Variants in GAS6 observed in about 807,000 individuals in gnomAD.
GAS6 encodes the protein growth arrest specific 6.
A neutral mutation model predicts 75.8 loss-of-function variants in GAS6; 41 were observed. The observed-to-expected ratio is 0.54, with a 90% CI of 0.42 to 0.70. GAS6 has a LOEUF of 0.70. GAS6 is among the 30% of genes least tolerant of loss of function. The pLI is 0.00. For synonymous variants in GAS6, 432 were observed against 412.6 expected (o/e 1.05, Z -0.57); for missense variants, 854 against 940.2 (o/e 0.91, Z 1.20).
intron 2 of GAS6, among the ~76,000 whole-genome samples, chr13:113,858,884 A>C (rs1427839614): frequency 2.2e-5 from 3 of 133,420 alleles, no homozygotes; most frequent in Non-Finnish European, 4.7e-5. Flanking sequence ...TGACTATGTA[A>C]GTCTATGTGA....
At position 113,847,978 on chromosome 13, in the gene GAS6, C is replaced by A. The variant is rs777351081; in HGVS notation, c.280+48G>T. The A allele has an allele frequency of 1.0e-5, 16 of 1,566,302 alleles. No homozygotes were observed. In the Admixed American group the frequency reaches 2.5e-4, roughly 25 times the overall value. ...TCCTCCAACATGAAACACGCACCCCCAACTATGCCTCTACGACAACCAGAG... is the reference window on the plus strand; with the variant it reads ...TCCTCCAACATGAAACACGCACCCCAAACTATGCCTCTACGACAACCAGAG... On this transcript the variant is annotated intron_variant, in intron 3 of 14. Transcript: ENST00000327773.
At chr13:113,852,893 C>G (rs2051886892) in intron 2 of GAS6, among the ~76,000 whole-genome samples, 2 of 152,340 alleles carry the variant, frequency 1.3e-5, no homozygotes, top group South Asian at 4.1e-4. Context: ...GCTTCCTCAC[C>G]CAGAGCTGTG....
intron 12 of GAS6, 48 bp downstream of exon 12, chr13:113,826,944 CCTGT>C (rs1486562977): frequency 1.4e-6 from 2 of 1,404,804 alleles, no homozygotes; most frequent in African/African-American, 3.0e-5. Flanking sequence ...TCAGCGTATG[CCTGT>C]CTGAAGGTGC....
At chr13:113,834,841 T>C in intron 7 of GAS6, 169 bp from the exon 8 acceptor site, 1 of 618,846 alleles carries the variant, frequency 1.6e-6, no homozygotes. Context: ...GAAAGCTAGG[T>C]TGCACCCTCG....
intron 11 of GAS6, among the ~76,000 whole-genome samples, chr13:113,828,212 C>T (rs973377164): frequency 7.9e-5 from 12 of 152,098 alleles, no homozygotes; most frequent in Admixed American, 3.9e-4. Flanking sequence ...TGCAGTGAGC[C>T]GAGATCGCGC....
chr13:113,821,070 C>T (rs552405031), intron 14 of GAS6, 52 bp from the exon 15 acceptor site: 49 of 1,583,280 alleles, frequency 3.1e-5, no homozygotes, highest in Non-Finnish European at 2.0e-5. Flanking sequence ...TGGCCGGCCC[C>T]GCCTGGCCCC....
chr13:113,851,581 GTGACTGGA>G (rs1566372422), intron 2 of GAS6, among the ~76,000 whole-genome samples: 1 of 151,890 alleles, frequency 6.6e-6, no homozygotes, highest in East Asian at 1.9e-4. Context: ...GGGTGAATGG[GTGACTGGA>G]TGGATGGAGA....
At chr13:113,827,941 A>G (rs2051572092) in intron 11 of GAS6, among the ~76,000 whole-genome samples, 1 of 152,230 alleles carries the variant, frequency 6.6e-6, no homozygotes, top group South Asian at 2.1e-4. Context: ...AAAACCCAAA[A>G]TGTTCTTGGA....
chr13:113,821,414 CG>C (rs1290983715), intron 14 of GAS6: 49 of 240,892 alleles, frequency 2.0e-4, no homozygotes, highest in Non-Finnish European at 2.2e-4. Flanking sequence ...TGCCGTTTGC[CG>C]CAAGTGAAAA....
At chr13:113,840,668 TG>T (rs2051765610) in intron 4 of GAS6, 1 of 152,248 alleles carries the variant, frequency 6.6e-6, no homozygotes. Context: ...CCCGGGAAGT[TG>T]GCAGAAAGAA....
At chr13:113,832,871 C>T in intron 8 of GAS6, 119 bp from the exon 9 acceptor site, 3 of 1,562,182 alleles carry the variant, frequency 1.9e-6, no homozygotes, top group Non-Finnish European at 2.6e-6. Flanking sequence ...GAGTGGCCAC[C>T]CCGCCTCTAG....
chr13:113,859,522 A>G (rs1276187516), intron 2 of GAS6, among the ~76,000 whole-genome samples: 1 of 148,194 alleles, frequency 6.7e-6, no homozygotes, highest in Non-Finnish European at 1.5e-5. Flanking sequence ...GTGCCTGTTT[A>G]TGTGTGTGCA....
intron 8 of GAS6, 46 bp downstream of exon 8, chr13:113,834,505 C>G: frequency 6.9e-7 from 1 of 1,451,424 alleles, no homozygotes; most frequent in Non-Finnish European, 9.1e-7. Context: ...CCGGCGAGGG[C>G]CCCCGGAACC....
At position 113,860,218 on chromosome 13, in the gene GAS6, G is replaced by A. The variant is rs1397310710; in HGVS notation, c.255+3357C>T. Among the ~76,000 whole-genome samples, 7 of 152,336 alleles carry A rather than the reference G, an allele frequency of 4.6e-5. No homozygotes were observed. The East Asian group carries it at 1.2e-3, about 25-fold the overall frequency. ...CCTCGGAGCACAGGCCTGGCCACAT[G>A]TCGTGCAGGTGCGGGTACAGGTGCA... On this transcript the variant is annotated intron_variant, in intron 2 of 14. Coordinates refer to ENST00000327773, the MANE Select transcript of GAS6 (RefSeq NM_000820.4).
chr13:113,851,271 G>A (rs1196177067), intron 2 of GAS6, among the ~76,000 whole-genome samples: 1 of 141,820 alleles, frequency 7.1e-6, no homozygotes, highest in Non-Finnish European at 1.6e-5. Flanking sequence ...GGATGAGTGA[G>A]TGTATGAATG....
intron 3 of GAS6, among the ~76,000 whole-genome samples, chr13:113,847,299 T>C (rs1322810718): frequency 6.6e-6 from 1 of 152,238 alleles, no homozygotes; most frequent in Non-Finnish European, 1.5e-5. Flanking sequence ...AGACCCACTG[T>C]GTTTGTTCCA....
chr13:113,858,756 TGTGTGC>T (rs2051938796), intron 2 of GAS6, among the ~76,000 whole-genome samples: 2 of 152,136 alleles, frequency 1.3e-5, no homozygotes, highest in East Asian at 3.9e-4. Flanking sequence ...TGTTAGTATG[TGTGTGC>T]GTGTCATTAT....
chr13:113,846,532 A>ACGC lies in GAS6; in HGVS notation c.335_337dup (p.Cys112_Val113insGly). The ACGC allele has an allele frequency of 6.2e-7, 1 of 1,613,988 alleles. No individual in the cohort carries two copies. The highest frequency in any genetic ancestry group is 1.1e-5 in the South Asian group (1 of 91,084). On this transcript the variant is annotated inframe_insertion, in exon 4 of 15. Transcript: ENST00000327773. ...CGCAAAGGAGGCCGACTTACTTTGC[A>ACGC]CGCAGGTGGCGAAGCCTGAGTTTTT...
intron 9 of GAS6, 44 bp downstream of exon 9, chr13:113,832,590 T>G: frequency 1.2e-6 from 2 of 1,611,114 alleles, no homozygotes; most frequent in African/African-American, 2.7e-5. Flanking sequence ...AGCCAGTGTC[T>G]TGGCCATTCT....
Sources: allele counts gnomAD v4.1 joint callset (sites outside exome capture counted in the v4.1 genomes callset), GRCh38; gene constraint gnomAD v4.1.1; transcripts MANE v1.5; gene names NCBI Gene and HGNC (gene_info 2026-07-23, HGNC 2026-07-21).